Variants in NT5C3B observed in about 807,000 individuals in gnomAD.
The protein encoded by NT5C3B is 7-methylguanosine phosphate-specific 5'-nucleotidase.
A neutral mutation model predicts 32.5 loss-of-function variants in NT5C3B; 28 were observed. The ratio of observed to expected loss-of-function variants is 0.86; its 90% CI spans 0.64 to 1.18. The LOEUF is 1.18. Ranked by LOEUF, NT5C3B falls within the 50% of genes most tolerant of loss-of-function variation. The pLI, the probability that NT5C3B is intolerant of heterozygous loss-of-function variation, is 0.00. For missense variants in NT5C3B, 317 were observed against 322.0 expected (o/e 0.98, Z 0.12); for synonymous variants, 138 against 118.0 (o/e 1.17, Z -1.10).
Position 41,825,616 on chromosome 17 carries a change from G to C in NT5C3B, c.810C>G (p.Ile270Met). The C allele has an allele frequency of 1.1e-6, 1 of 872,832 alleles. No individual in the cohort carries two copies. Among genetic ancestry groups the C allele is most frequent in the Non-Finnish European group, 2.0e-6 (1 of 501,678 alleles). 54.1% of individuals were successfully genotyped at this position (872,832 alleles called of 1,614,324 possible). A position where few individuals can be genotyped will look rare whatever the true frequency, so the allele number is the denominator to read the frequency against. ...CCAGAGTCTCGTCCTTCTCCAGCAC[G>C]ATGTCATAGGAGTCCATGTAGCGCT... ...RRERYMDSYD[I>M]VLEKDETLDV... is the part of the protein sequence containing the mutation. Residue 270 changes from isoleucine (I) to methionine (M), a missense_variant, in exon 9 of 9, where the codon ATC becomes ATG. Physicochemically the swap from Ile to Met is conservative, Grantham distance 10 (BLOSUM62 1). Coordinates refer to ENST00000435506, the MANE Select transcript of NT5C3B (RefSeq NM_052935.5).
Position 41,835,201 on chromosome 17 carries a change from A to G in NT5C3B, c.181+2T>C, listed in dbSNP as rs541615579. 5 of 1,614,020 alleles carry G rather than the reference A, an allele frequency of 3.1e-6. No homozygotes were observed. The South Asian group carries it at 5.5e-5, about 18-fold the overall frequency. On this transcript the variant is annotated splice_donor_variant, in intron 3 of 8. Transcript: ENST00000435506. LOFTEE classifies it high-confidence loss of function. The stretch of plus-strand genomic sequence containing the variant: ...AACAAGGGAAGCTAGAATGTGACTT[A>G]CTGTAAGAAGAAGGGCATCGCTTTC...
rs1555618024 is a variant in NT5C3B, at chr17:41,825,566, T to C, written c.860A>G (p.His287Arg). 3.4e-6 allele frequency: 3 copies of C among 872,802 alleles called. No homozygotes were observed. The highest frequency in any genetic ancestry group is 6.0e-6 in the Non-Finnish European group (3 of 501,662). 54.1% of individuals were successfully genotyped at this position (872,802 alleles called of 1,614,324 possible). A position where few individuals can be genotyped will look rare whatever the true frequency, so the allele number is the denominator to read the frequency against. ...TLDVVNGLLQHILCQGVQLEM... is the reference protein window; with the variant it reads ...TLDVVNGLLQRILCQGVQLEM... ...CAGCTGGACCCCCTGGCACAGGATG[T>C]GCTGCAGTAGCCCGTTGACCACATC... Residue 287 changes from histidine (H) to arginine (R), a missense_variant, in exon 9 of 9, where the codon CAC becomes CGC. Coordinates refer to ENST00000435506, the MANE Select transcript of NT5C3B (RefSeq NM_052935.5).
chr17:41,825,874 A>G (rs1387437330), intron 8 of NT5C3B, among the ~76,000 whole-genome samples: 2 of 152,192 alleles, frequency 1.3e-5, no homozygotes, highest in Non-Finnish European at 2.9e-5. Context: ...GTCAATACAA[A>G]AGAACAGTAA....
At chr17:41,832,335 C>T in intron 5 of NT5C3B, 57 bp downstream of exon 5, 4 of 1,473,784 alleles carry the variant, frequency 2.7e-6, no homozygotes, top group Non-Finnish European at 3.8e-6. Context: ...AAATATGCCC[C>T]TCCCAGCCTA....
chr17:41,831,521 TGA>T (rs2048051657), intron 5 of NT5C3B, among the ~76,000 whole-genome samples: 1 of 152,108 alleles, frequency 6.6e-6, no homozygotes, highest in Non-Finnish European at 1.5e-5. Flanking sequence ...GTGGAGGTGT[TGA>T]GAGATGGGGC....
intron 4 of NT5C3B, 181 bp from the exon 5 acceptor site, chr17:41,832,658 A>C (rs2048071880): frequency 2.3e-6 from 1 of 440,116 alleles, no homozygotes. Flanking sequence ...ACTTGAGGTC[A>C]GGAGTTCGAG....
chr17:41,827,163 G>A (rs1229618550), intron 8 of NT5C3B, among the ~76,000 whole-genome samples: 4 of 151,460 alleles, frequency 2.6e-5, no homozygotes, highest in African/African-American at 4.8e-5. Context: ...AAAATCAGCC[G>A]GGAGTGGTGG....
At chr17:41,828,042 T>A (rs2047994861) in intron 7 of NT5C3B, among the ~76,000 whole-genome samples, 1 of 152,184 alleles carries the variant, frequency 6.6e-6, no homozygotes, top group Non-Finnish European at 1.5e-5. Flanking sequence ...TAAATGCCAC[T>A]CAGGTTACAC....
Position 41,825,601 on chromosome 17 carries a change from G to A in NT5C3B, c.825C>T (p.Asp275=), listed in dbSNP as rs147264117. 6.9e-6 allele frequency: 6 copies of A among 872,832 alleles called. No individual in the cohort carries two copies. Among genetic ancestry groups the A allele is most frequent in the East Asian group, 2.4e-5 (1 of 41,700 alleles). 54.1% of individuals were successfully genotyped at this position (872,832 alleles called of 1,614,324 possible). Residue 275 remains aspartate (D), a synonymous_variant, in exon 9 of 9, where the codon GAC becomes GAT. Transcript: ENST00000435506. The part of the protein sequence containing the change: ...MDSYDIVLEK[D]ETLDVVNGLL... ...GCCCGTTGACCACATCCAGAGTCTC[G>A]TCCTTCTCCAGCACGATGTCATAGG...
chr17:41,833,319 C>T (rs1490187590), intron 4 of NT5C3B, among the ~76,000 whole-genome samples: 12 of 148,460 alleles, frequency 8.1e-5, no homozygotes, highest in African/African-American at 2.7e-4. Flanking sequence ...TTTTCATGTA[C>T]AATTTTTTTT....
At position 41,833,396 on chromosome 17, in the gene NT5C3B, A is replaced by C. The variant is rs536229716; in HGVS notation, c.229-919T>G. The stretch of plus-strand genomic sequence containing the variant: ...CAGTGGCGCAATCTCGGCTCACTGC[A>C]ACCTCCGCCTCCCGGGTTCGAGCAA... On this transcript the variant is annotated intron_variant, in intron 4 of 8. Transcript: ENST00000435506. 1.4e-4 allele frequency among the ~76,000 whole-genome samples: 21 copies of C among 152,066 alleles called. No homozygotes were observed. The South Asian group carries it at 4.2e-3, about 30-fold the overall frequency.
At chr17:41,831,770 T>C (rs2048055870) in intron 5 of NT5C3B, among the ~76,000 whole-genome samples, 1 of 152,130 alleles carries the variant, frequency 6.6e-6, no homozygotes, top group African/African-American at 2.4e-5. Flanking sequence ...AATTACCCAG[T>C]CTAGGCTGGG....
At chr17:41,834,664 A>C (rs143382920) in intron 4 of NT5C3B, among the ~76,000 whole-genome samples, 10 of 151,968 alleles carry the variant, frequency 6.6e-5, no homozygotes, top group Non-Finnish European at 1.5e-4. Context: ...CAGGAGGATC[A>C]CTTGAGCCTA....
rs1375841355 is a variant in NT5C3B, at chr17:41,825,403, C to T, written c.*120G>A. On this transcript the variant is annotated 3_prime_UTR_variant, in exon 9 of 9. Transcript: ENST00000435506. Reference sequence around the variant, plus strand: ...GCTCAGGGAAAGGAGGACGGAGGGGCGCGGAAGGACCCAGCCACTGCTGGC... The same window carrying T: ...GCTCAGGGAAAGGAGGACGGAGGGGTGCGGAAGGACCCAGCCACTGCTGGC... 9 of 685,632 alleles carry T rather than the reference C, an allele frequency of 1.3e-5. No homozygotes were observed. The highest frequency in any genetic ancestry group is 1.8e-5 in the African/African-American group (1 of 56,012). 42.5% of individuals were successfully genotyped at this position (685,632 alleles called of 1,614,324 possible).
chr17:41,828,345 G>GTTTTT (rs1353282920), intron 7 of NT5C3B: 4 of 155,772 alleles, frequency 2.6e-5, no homozygotes, highest in African/African-American at 9.7e-5. Flanking sequence ...TTTTGTTTTT[G>GTTTTT]TTTTTTTCTG....
chr17:41,832,456 AGTG>A lies in NT5C3B; in HGVS notation c.247_249del (p.His83del), dbSNP rs2048068313. ...TGTGGGTCGATCTCAATTGGGTAAT[AGTG>A]GTGAAGGAGCGCTGTGAGCTGGGAT... On this transcript the variant is annotated inframe_deletion, in exon 5 of 9. Transcript: ENST00000435506. 2.5e-6 allele frequency: 4 copies of A among 1,613,714 alleles called. No homozygotes were observed. Among genetic ancestry groups the A allele is most frequent in the Non-Finnish European group, 3.4e-6 (4 of 1,179,748 alleles).
chr17:41,832,360 C>T, intron 5 of NT5C3B, 32 bp downstream of exon 5: 1 of 1,594,664 alleles, frequency 6.3e-7, no homozygotes, highest in South Asian at 1.1e-5. Context: ...ATCTCAAGGG[C>T]CCAGAAGCTT....
intron 1 of NT5C3B, 37 bp from the exon 2 acceptor site, chr17:41,835,994 C>T (rs2048148769): frequency 6.6e-7 from 1 of 1,518,224 alleles, no homozygotes; most frequent in South Asian, 1.2e-5. Flanking sequence ...GACCCCTGCG[C>T]CACGCTGGGC....
chr17:41,825,948 G>A (rs143047689), intron 8 of NT5C3B, among the ~76,000 whole-genome samples: 1 of 152,222 alleles, frequency 6.6e-6, no homozygotes, highest in East Asian at 1.9e-4. Flanking sequence ...AGGATCATCT[G>A]AGCCCAAGAG....
Sources: gnomAD v4.1 joint callset for allele counts (sites outside exome capture counted in the v4.1 genomes callset) on GRCh38, gnomAD v4.1.1 for gene constraint, MANE v1.5 for transcripts, NCBI Gene and HGNC (gene_info 2026-07-23, HGNC 2026-07-21) for gene names.